UBN2: variants seen among roughly 807,000 people sequenced by gnomAD.
The protein encoded by UBN2 is ubinuclein-2.
UBN2 carries 35 observed loss-of-function variants against 120.2 expected under a neutral mutation model. The observed-to-expected ratio is 0.29, with a 90% CI of 0.22 to 0.39. The LOEUF (loss-of-function observed/expected upper bound fraction) is 0.39, where lower values mean the gene tolerates loss of function less well. UBN2 is among the 10% of genes least tolerant of loss of function. The probability of loss-of-function intolerance (pLI) is 1.00; values close to 1 mark genes in which losing one functional copy is unlikely to be tolerated. For synonymous variants in UBN2, 661 were observed against 648.7 expected (o/e 1.02, Z -0.29); for missense variants, 1,693 against 1,663.2 (o/e 1.02, Z -0.31).
chr7:139,328,380 T>C, the UBN2 span, among the ~76,000 whole-genome samples: 1 of 152,166 alleles, frequency 6.6e-6, no homozygotes, highest in South Asian at 2.1e-4. Flanking sequence ...ACCCCCATGA[T>C]CCAATCACCT....
downstream of UBN2, among the ~76,000 whole-genome samples, chr7:139,309,910 A>G (rs961421922): frequency 1.3e-5 from 2 of 152,178 alleles, no homozygotes; most frequent in Admixed American, 6.5e-5. Flanking sequence ...ACAAAAGAAC[A>G]TAACACCCCA....
intron 12 of UBN2, among the ~76,000 whole-genome samples, chr7:139,278,787 TTGAC>T (rs1301890733): frequency 1.3e-5 from 2 of 152,196 alleles, no homozygotes; most frequent in African/African-American, 4.8e-5. Flanking sequence ...TTTGAATACT[TTGAC>T]TTACTATGGA....
chr7:139,266,297 T>C, intron 6 of UBN2, 36 bp from the exon 7 acceptor site: 2 of 1,324,684 alleles, frequency 1.5e-6, no homozygotes, highest in Non-Finnish European at 1.1e-6. Context: ...AGTAATGGCC[T>C]ATTTTGATTT....
intron 15 of UBN2, among the ~76,000 whole-genome samples, chr7:139,291,360 C>CAAA (rs774759708): frequency 1.5e-3 from 66 of 42,626 alleles, no homozygotes; most frequent in Middle Eastern, 0.011. Flanking sequence ...GACTCTGTCT[C>CAAA]AAAAAAAAAA....
chr7:139,279,972 T>C (rs1383610839), intron 13 of UBN2, among the ~76,000 whole-genome samples: 1 of 152,214 alleles, frequency 6.6e-6, no homozygotes, highest in African/African-American at 2.4e-5. Flanking sequence ...ATGTCCTTGC[T>C]GAAAAATTTT....
chr7:139,271,947 A>G (rs1468575538), intron 8 of UBN2, among the ~76,000 whole-genome samples: 1 of 152,214 alleles, frequency 6.6e-6, no homozygotes, highest in Non-Finnish European at 1.5e-5. Context: ...TTCTTAGGGT[A>G]CTGGTTTCCC....
At chr7:139,284,774 AT>A (rs576758379) in intron 15 of UBN2, among the ~76,000 whole-genome samples, 200 bp downstream of exon 15, 96 of 146,674 alleles carry the variant, frequency 6.5e-4, no homozygotes, top group Non-Finnish European at 5.4e-4. Context: ...TGGGATATGG[AT>A]TTTTTTTTTT....
chr7:139,270,876 C>T (rs1484525522), intron 8 of UBN2, among the ~76,000 whole-genome samples: 2 of 152,188 alleles, frequency 1.3e-5, no homozygotes, highest in Admixed American at 6.5e-5. Flanking sequence ...TCCTGAGTAG[C>T]TGGGATTACA....
At chr7:139,250,342 T>G (rs1159370554) in intron 2 of UBN2, among the ~76,000 whole-genome samples, 1 of 151,986 alleles carries the variant, frequency 6.6e-6, no homozygotes, top group Non-Finnish European at 1.5e-5. Flanking sequence ...AAGTGATTCT[T>G]GAGCCTCAGC....
intron 9 of UBN2, 53 bp downstream of exon 9, chr7:139,272,493 G>GT (rs1797308003): frequency 5.1e-6 from 6 of 1,182,802 alleles, no homozygotes; most frequent in Non-Finnish European, 6.0e-6. Context: ...GTGTATGTAC[G>GT]TTATGTATGT....
intron 3 of UBN2, 143 bp downstream of exon 3, chr7:139,252,200 AC>A (rs936716709): frequency 3.1e-5 from 17 of 547,452 alleles, no homozygotes; most frequent in Non-Finnish European, 4.4e-5. Context: ...AGATTTCTTT[AC>A]CCTTTTTTTT....
At position 139,260,675 on chromosome 7, in the gene UBN2, C is replaced by T. The variant is rs1212346251; in HGVS notation, c.906-577C>T. Among the ~76,000 whole-genome samples, 4 of 152,050 alleles carry T rather than the reference C, an allele frequency of 2.6e-5. No homozygotes were observed. In the East Asian group the frequency reaches 5.8e-4, roughly 22 times the overall value. Reference sequence around the variant, plus strand: ...TCTCCCCTCCTAAAACTTGGGATTACAGTCATTAAGAAATTAGGAGGAAAA... The same window carrying T: ...TCTCCCCTCCTAAAACTTGGGATTATAGTCATTAAGAAATTAGGAGGAAAA... On this transcript the variant is annotated intron_variant, in intron 5 of 17. Transcript: ENST00000473989.
chr7:139,242,814 G>A (rs1796358155), intron 2 of UBN2, among the ~76,000 whole-genome samples: 1 of 152,202 alleles, frequency 6.6e-6, no homozygotes, highest in Non-Finnish European at 1.5e-5. Flanking sequence ...TTTTTGTGCT[G>A]TGTAGTCAGC....
At chr7:139,280,081 C>A (rs1285127540) in intron 13 of UBN2, among the ~76,000 whole-genome samples, 1 of 152,182 alleles carries the variant, frequency 6.6e-6, no homozygotes, top group Non-Finnish European at 1.5e-5. Context: ...CCCGGGGCCA[C>A]TGGCAAAAGC....
chr7:139,272,504 A>C, intron 9 of UBN2, 64 bp downstream of exon 9: 3 of 711,948 alleles, frequency 4.2e-6, no homozygotes, highest in Non-Finnish European at 6.8e-6. Context: ...TTATGTATGT[A>C]TGTATGTATG....
intron 2 of UBN2, among the ~76,000 whole-genome samples, chr7:139,248,941 A>G (rs536587264): frequency 2.6e-5 from 4 of 152,172 alleles, no homozygotes; most frequent in Middle Eastern, 6.8e-3. Context: ...ACAATCTATT[A>G]TGTATTTTGC....
chr7:139,280,209 A>G (rs1036616060), intron 13 of UBN2, among the ~76,000 whole-genome samples: 1 of 152,196 alleles, frequency 6.6e-6, no homozygotes, highest in African/African-American at 2.4e-5. Context: ...ATAAGTTACT[A>G]TGAGTGAGAT....
At chr7:139,251,864 C>A in intron 2 of UBN2, 92 bp from the exon 3 acceptor site, 1 of 1,269,338 alleles carries the variant, frequency 7.9e-7, no homozygotes, top group Non-Finnish European at 1.1e-6. Flanking sequence ...GGACTATCTG[C>A]AAAAATTATT....
At chr7:139,292,860 G>A (rs1312263987) in intron 15 of UBN2, among the ~76,000 whole-genome samples, 1 of 152,184 alleles carries the variant, frequency 6.6e-6, no homozygotes, top group African/African-American at 2.4e-5. Context: ...GACCCTGAAA[G>A]CAGCAGTCTG....
Sources: gnomAD v4.1 joint callset for allele counts (sites outside exome capture counted in the v4.1 genomes callset) on GRCh38, gnomAD v4.1.1 for gene constraint, MANE v1.5 for transcripts, NCBI Gene and HGNC (gene_info 2026-07-23, HGNC 2026-07-21) for gene names.